The following CDH8 variants were observed in gnomAD, a reference collection of about 807,000 sequenced individuals.
The protein encoded by CDH8 is cadherin-8.
Under a neutral mutation model 68.1 loss-of-function variants are expected in CDH8, and 17 were observed. The observed-to-expected ratio is 0.25, with a 90% CI of 0.17 to 0.37. The LOEUF (loss-of-function observed/expected upper bound fraction) is 0.37. Ranked by LOEUF, CDH8 falls within the 10% of genes least tolerant of loss-of-function variation. CDH8 has a pLI of 1.00. For synonymous variants in CDH8, 372 were observed against 365.1 expected, an observed-to-expected ratio of 1.02 and a Z score of -0.21; for missense variants, 763 against 999.3, an observed-to-expected ratio of 0.76 and a Z score of 3.19.
chr16:61,921,005 C>A (rs891903734), intron 2 of CDH8, among the ~76,000 whole-genome samples: 1 of 147,370 alleles, frequency 6.8e-6, no homozygotes, highest in Non-Finnish European at 1.5e-5. Flanking sequence ...ATCACAAGAA[C>A]AAAAAACCAA....
intron 1 of CDH8, among the ~76,000 whole-genome samples, chr16:62,032,670 A>T (rs1279625938): frequency 6.6e-6 from 1 of 152,158 alleles, no homozygotes; most frequent in Non-Finnish European, 1.5e-5. Context: ...TTCTCCGATT[A>T]TGCTTGTCCC....
intron 2 of CDH8, among the ~76,000 whole-genome samples, chr16:61,985,883 C>T (rs182600449): frequency 6.7e-6 from 1 of 149,830 alleles, no homozygotes; most frequent in East Asian, 2.0e-4. Flanking sequence ...TCTCCATATA[C>T]ATACATAATA....
At chr16:61,936,587 G>A (rs1964630467) in intron 2 of CDH8, among the ~76,000 whole-genome samples, 2 of 152,156 alleles carry the variant, frequency 1.3e-5, no homozygotes, top group Admixed American at 1.3e-4. Flanking sequence ...TCCCAAAGAG[G>A]CATGTTCAAG....
intron 8 of CDH8, among the ~76,000 whole-genome samples, chr16:61,753,962 A>G (rs1327830573): frequency 6.6e-6 from 1 of 152,182 alleles, no homozygotes; most frequent in East Asian, 1.9e-4. Flanking sequence ...AAATTAAATC[A>G]GTACAACCAC....
chr16:61,898,084 G>A (rs890307751), intron 3 of CDH8, among the ~76,000 whole-genome samples: 56 of 152,028 alleles, frequency 3.7e-4, no homozygotes, highest in Non-Finnish European at 1.2e-4. Context: ...GGCAGATCAC[G>A]AGGTCAGGAG....
intron 10 of CDH8, among the ~76,000 whole-genome samples, chr16:61,689,883 A>C (rs1964184182): frequency 6.6e-6 from 1 of 151,986 alleles, no homozygotes; most frequent in African/African-American, 2.4e-5. Flanking sequence ...TACTTTGCTC[A>C]AGGTTACATC....
intron 2 of CDH8, among the ~76,000 whole-genome samples, chr16:62,011,697 G>T (rs912073169): frequency 6.6e-6 from 1 of 152,150 alleles, no homozygotes; most frequent in Non-Finnish European, 1.5e-5. Context: ...GATTCAATAA[G>T]TCCAGGTGTA....
At chr16:61,932,910 T>C (rs1019399745) in intron 2 of CDH8, among the ~76,000 whole-genome samples, 8 of 152,216 alleles carry the variant, frequency 5.3e-5, no homozygotes, top group African/African-American at 1.9e-4. Flanking sequence ...AGGTTTTTAA[T>C]GTCTATGAAG....
intron 10 of CDH8, among the ~76,000 whole-genome samples, chr16:61,670,816 G>A (rs1390434317): frequency 6.6e-6 from 1 of 151,892 alleles, no homozygotes; most frequent in Non-Finnish European, 1.5e-5. Flanking sequence ...GACTAAAGGT[G>A]TGGACAAGCT....
chr16:62,033,101 G>C (rs2150624525), intron 1 of CDH8, among the ~76,000 whole-genome samples: 1 of 152,282 alleles, frequency 6.6e-6, no homozygotes, highest in Admixed American at 6.5e-5. Context: ...AGCAGTATCA[G>C]ACCTTTGAGT....
Position 61,700,005 on chromosome 16 carries a change from T to C in CDH8, c.1654+13836A>G, listed in dbSNP as rs551378871. ...GATATATATATTTTATGTTGTAATG[T>C]TCCCAAAATCAGAGTTTCTTAAAGT... is the stretch of plus-strand genomic sequence containing the variant. On this transcript the variant is annotated intron_variant, in intron 10 of 11. Transcript: ENST00000577390. 9.8e-5 allele frequency among the ~76,000 whole-genome samples: 15 copies of C among 152,344 alleles called. No homozygotes were observed. In the South Asian group the frequency reaches 3.1e-3, roughly 32 times the overall value.
At chr16:61,825,696 A>G (rs1263303274) in intron 4 of CDH8, among the ~76,000 whole-genome samples, 3 of 151,938 alleles carry the variant, frequency 2.0e-5, no homozygotes, top group African/African-American at 4.8e-5. Flanking sequence ...AATACCAATC[A>G]GAATTAATAT....
At chr16:61,778,088 G>A (rs1349633961) in intron 8 of CDH8, among the ~76,000 whole-genome samples, 1 of 151,984 alleles carries the variant, frequency 6.6e-6, no homozygotes, top group Non-Finnish European at 1.5e-5. Flanking sequence ...TGATTTTGGG[G>A]AGCCTCTTAA....
At chr16:61,764,280 A>G (rs1178050735) in intron 8 of CDH8, among the ~76,000 whole-genome samples, 2 of 152,082 alleles carry the variant, frequency 1.3e-5, no homozygotes, top group African/African-American at 2.4e-5. Flanking sequence ...TGTTTTCTTC[A>G]ATGAAAGAAG....
At chr16:61,874,434 C>A (rs746456341) in intron 3 of CDH8, among the ~76,000 whole-genome samples, 38 of 152,036 alleles carry the variant, frequency 2.5e-4, no homozygotes, top group African/African-American at 7.5e-4. Flanking sequence ...CAGGTTCAGG[C>A]CATTCTCCTG....
intron 8 of CDH8, among the ~76,000 whole-genome samples, chr16:61,784,790 A>C (rs1237813998): frequency 1.3e-5 from 2 of 151,928 alleles, no homozygotes; most frequent in East Asian, 1.9e-4. Flanking sequence ...ATCTCACTCA[A>C]AGCTGCTCAA....
chr16:61,904,399 T>A (rs1330340570), intron 2 of CDH8, among the ~76,000 whole-genome samples: 2 of 152,068 alleles, frequency 1.3e-5, no homozygotes, highest in African/African-American at 2.4e-5. Flanking sequence ...GCCAAAGATA[T>A]CCCAAATGCA....
chr16:62,010,868 G>A (rs1355912874), intron 2 of CDH8, among the ~76,000 whole-genome samples: 6 of 151,800 alleles, frequency 4.0e-5, no homozygotes, highest in East Asian at 1.9e-4. Context: ...GCTTGAACCC[G>A]GGAGGTGGAG....
intron 3 of CDH8, among the ~76,000 whole-genome samples, chr16:61,866,226 TAA>T (rs908958877): frequency 1.5e-5 from 2 of 135,908 alleles, no homozygotes; most frequent in Non-Finnish European, 1.6e-5. Flanking sequence ...CCTGTCTCAA[TAA>T]AAAAAAAAAA....
Sources: gnomAD v4.1 joint callset for allele counts (sites outside exome capture counted in the v4.1 genomes callset) on GRCh38, gnomAD v4.1.1 for gene constraint, MANE v1.5 for transcripts, NCBI Gene and HGNC (gene_info 2026-07-23, HGNC 2026-07-21) for gene names.